Variants in VWA5B1 observed in about 807,000 individuals in gnomAD.
VWA5B1 encodes the protein von Willebrand factor A domain-containing protein 5B1.
A neutral mutation model predicts 118.2 loss-of-function variants in VWA5B1; 115 were observed. The observed-to-expected ratio is 0.97, with a 90% confidence interval of 0.84 to 1.14. The LOEUF is 1.14. Among genes scored for constraint, VWA5B1 ranks in the 50% most tolerant of loss-of-function variants. The probability of loss-of-function intolerance (pLI) is 0.00; values close to 1 mark genes in which losing one functional copy is unlikely to be tolerated. For missense variants in VWA5B1, 1,596 were observed against 1,603.8 expected (o/e 1.00, Z 0.08); for synonymous variants, 682 against 658.4 (o/e 1.04, Z -0.55).
At chr1:20,343,627 C>T in intron 16 of VWA5B1, among the ~76,000 whole-genome samples, 1 of 140,204 alleles carries the variant, frequency 7.1e-6, no homozygotes, top group Non-Finnish European at 1.5e-5. Flanking sequence ...CTCGCCCCAT[C>T]CCCTCATTAC....
chr1:20,292,158 C>G (rs996784973), intron 1 of VWA5B1, among the ~76,000 whole-genome samples: 21 of 151,578 alleles, frequency 1.4e-4, no homozygotes, highest in Non-Finnish European at 1.6e-4. Flanking sequence ...TTCTCTCTCT[C>G]TCTTTCTTTC....
intron 12 of VWA5B1, among the ~76,000 whole-genome samples, chr1:20,335,516 C>T (rs2089688010): frequency 6.6e-6 from 1 of 152,084 alleles, no homozygotes; most frequent in Admixed American, 6.5e-5. Context: ...CCTATGCAGT[C>T]AAAATTTCAC....
chr1:20,352,867 G>A (rs1252965879), intron 21 of VWA5B1, among the ~76,000 whole-genome samples: 2 of 152,182 alleles, frequency 1.3e-5, no homozygotes, highest in Non-Finnish European at 2.9e-5. Context: ...ATTGAGTTAG[G>A]CCCAGTGCTA....
chr1:20,350,350 C>G, intron 19 of VWA5B1, 120 bp downstream of exon 19: 1 of 1,107,672 alleles, frequency 9.0e-7, no homozygotes, highest in Non-Finnish European at 1.3e-6. Context: ...TCAAAGCAGC[C>G]GTCTGCATGG....
intron 12 of VWA5B1, among the ~76,000 whole-genome samples, 177 bp from the exon 13 acceptor site, chr1:20,336,126 A>C (rs917599215): frequency 3.3e-5 from 5 of 152,250 alleles, no homozygotes; most frequent in Non-Finnish European, 4.4e-5. Context: ...AATTCCATTC[A>C]CCATCTCTTG....
At chr1:20,342,992 T>C (rs2089915049) in intron 15 of VWA5B1, 87 bp from the exon 16 acceptor site, 2 of 1,451,158 alleles carry the variant, frequency 1.4e-6, no homozygotes, top group Admixed American at 2.8e-5. Context: ...TAGAAGTGTC[T>C]GCTCCCTGGG....
At chr1:20,329,227 A>G (rs1235431365) in intron 9 of VWA5B1, among the ~76,000 whole-genome samples, 1 of 148,288 alleles carries the variant, frequency 6.7e-6, no homozygotes, top group Non-Finnish European at 1.5e-5. Context: ...AAAGCTACAC[A>G]TACATCTTAA....
chr1:20,302,036 T>G (rs1394840163), intron 1 of VWA5B1, among the ~76,000 whole-genome samples: 1 of 152,174 alleles, frequency 6.6e-6, no homozygotes, highest in Non-Finnish European at 1.5e-5. Context: ...TTTTCAAATG[T>G]GGATGTGTCT....
chr1:20,293,417 G>C (rs1236223952), intron 1 of VWA5B1, among the ~76,000 whole-genome samples: 1 of 152,242 alleles, frequency 6.6e-6, no homozygotes, highest in Non-Finnish European at 1.5e-5. Flanking sequence ...CTCAGGGGCA[G>C]CACTCCTCCA....
chr1:20,304,109 G>A (rs1404368265), intron 1 of VWA5B1, among the ~76,000 whole-genome samples: 1 of 152,234 alleles, frequency 6.6e-6, no homozygotes, highest in Non-Finnish European at 1.5e-5. Context: ...ACAAGGCAAA[G>A]GAGGAGGTGC....
intron 1 of VWA5B1, among the ~76,000 whole-genome samples, chr1:20,293,234 TC>T (rs2088344716): frequency 6.6e-6 from 1 of 152,102 alleles, no homozygotes; most frequent in Non-Finnish European, 1.5e-5. Flanking sequence ...CTTTTGTGCT[TC>T]CTCTGTCTCA....
chr1:20,309,588 A>C (rs2088779920), intron 1 of VWA5B1, among the ~76,000 whole-genome samples: 1 of 152,208 alleles, frequency 6.6e-6, no homozygotes, highest in Non-Finnish European at 1.5e-5. Context: ...AGAGGCCAGC[A>C]GGGGCCCAAC....
chr1:20,351,471 G>A (rs1557453102), intron 20 of VWA5B1, among the ~76,000 whole-genome samples: 1 of 152,092 alleles, frequency 6.6e-6, no homozygotes, highest in Non-Finnish European at 1.5e-5. Context: ...GACCAACATG[G>A]TGAAACCCTG....
At chr1:20,349,984 G>C (rs2090092956) in intron 18 of VWA5B1, among the ~76,000 whole-genome samples, 172 bp from the exon 19 acceptor site, 1 of 152,210 alleles carries the variant, frequency 6.6e-6, no homozygotes, top group South Asian at 2.1e-4. Context: ...CTTATGGTGG[G>C]GCAACGGTTA....
chr1:20,311,107 G>T (rs2088835684), intron 2 of VWA5B1, among the ~76,000 whole-genome samples: 1 of 152,176 alleles, frequency 6.6e-6, no homozygotes, highest in Admixed American at 6.5e-5. Context: ...CAAGTAGCTG[G>T]GACTACGGGC....
At chr1:20,314,736 T>C (rs2088953646) in intron 4 of VWA5B1, 144 bp downstream of exon 4, 2 of 1,407,786 alleles carry the variant, frequency 1.4e-6, no homozygotes, top group Admixed American at 5.4e-5. Flanking sequence ...CTGAGCCATT[T>C]GCTTCTCCCC....
intron 3 of VWA5B1, among the ~76,000 whole-genome samples, chr1:20,313,352 G>A (rs1337974228): frequency 6.6e-6 from 1 of 152,228 alleles, no homozygotes; most frequent in African/African-American, 2.4e-5. Flanking sequence ...TTCCTTTCCT[G>A]TTGCTCACAA....
chr1:20,305,426 C>T (rs1406884956), intron 1 of VWA5B1, among the ~76,000 whole-genome samples: 3 of 151,988 alleles, frequency 2.0e-5, no homozygotes, highest in Admixed American at 1.3e-4. Flanking sequence ...ATGAGCCAAG[C>T]GCCAAGTGTT....
At chr1:20,332,719 A>G (rs2089605581) in intron 11 of VWA5B1, 47 bp from the exon 12 acceptor site, 2 of 1,539,294 alleles carry the variant, frequency 1.3e-6, no homozygotes, top group East Asian at 2.5e-5. Flanking sequence ...TTCTGTACAC[A>G]TCTCTTCTCA....
Sources: gnomAD v4.1 joint callset for allele counts (sites outside exome capture counted in the v4.1 genomes callset) on GRCh38, gnomAD v4.1.1 for gene constraint, MANE v1.5 for transcripts, NCBI Gene and HGNC (gene_info 2026-07-23, HGNC 2026-07-21) for gene names.